Variants in TCERG1 observed in about 807,000 individuals in gnomAD.
TCERG1 encodes transcription elongation regulator 1, also known as TATA box binding protein (TBP)-associated factor, RNA polymerase II, S, 150kD.
In TCERG1, 37 loss-of-function variants were observed where a neutral mutation model predicts 144.7. That is an observed-to-expected ratio of 0.26 (90% CI 0.20 to 0.34). The LOEUF (loss-of-function observed/expected upper bound fraction) is 0.34, where lower values mean the gene tolerates loss of function less well. Ranked by LOEUF, TCERG1 falls within the 10% of genes least tolerant of loss-of-function variation. The pLI is 1.00. For missense variants in TCERG1, 1,027 were observed against 1,380.7 expected (o/e 0.74, Z 4.06); for synonymous variants, 492 against 458.2 (o/e 1.07, Z -0.94).
intron 15 of TCERG1, among the ~76,000 whole-genome samples, chr5:146,486,860 A>G (rs776498079): frequency 1.3e-5 from 2 of 152,138 alleles, no homozygotes; most frequent in Non-Finnish European, 2.9e-5. Context: ...GGATCACATG[A>G]GGTCAGGAGT....
intron 9 of TCERG1, among the ~76,000 whole-genome samples, chr5:146,472,334 C>T (rs2400219): frequency 0.24 from 37,123 of 151,736 alleles, 5,645 homozygotes; most frequent in East Asian, 0.83. Context: ...TAACATGCCT[C>T]TTGGTTTCAT....
In TCERG1 at chr5:146,503,423, C is replaced by A; in HGVS notation, c.2482C>A (p.Gln828Lys). ...ATTATCTAATCATCACTTGGACAGTCAGTCTCGATGGAGCAAAGTAAAAGA... is the reference window on the plus strand; with the variant it reads ...ATTATCTAATCATCACTTGGACAGTAAGTCTCGATGGAGCAAAGTAAAAGA... ...ELLSNHHLDSQSRWSKVKDKV... is the reference protein window; with the variant it reads ...ELLSNHHLDSKSRWSKVKDKV... Residue 828 changes from glutamine to lysine, a missense_variant, in exon 18 of 23, where the codon CAG becomes AAG. Gln to Lys is a moderately conservative substitution (Grantham distance 53). Around this residue, in one of 6 missense-constraint regions of TCERG1, gnomAD observed 482 missense variants for 632.6 expected, o/e 0.76. Coordinates refer to ENST00000679501, the MANE Select transcript of TCERG1 (RefSeq NM_001382548.1). 1 of 1,613,712 alleles carries A rather than the reference C, an allele frequency of 6.2e-7. No homozygotes were observed. The highest frequency in any genetic ancestry group is 1.1e-5 in the South Asian group (1 of 91,036).
Position 146,463,829 on chromosome 5 carries a change from G to C in TCERG1, c.1135+36G>C, listed in dbSNP as rs371186011. On this transcript the variant is annotated intron_variant, in intron 5 of 22. Transcript: ENST00000679501. ...AGATTATAATGGTCTTTCCAGCTATGTTTTCATATTGTCAGTTAGTTTGTT... is the reference window on the plus strand; with the variant it reads ...AGATTATAATGGTCTTTCCAGCTATCTTTTCATATTGTCAGTTAGTTTGTT... The C allele has an allele frequency of 2.5e-6, 4 of 1,612,032 alleles. No homozygotes were observed. In the African/African-American group the frequency reaches 5.3e-5, roughly 22 times the overall value.
At chr5:146,455,317 A>T in intron 2 of TCERG1, 36 bp downstream of exon 2, 2 of 1,607,824 alleles carry the variant, frequency 1.2e-6, no homozygotes, top group Non-Finnish European at 1.7e-6. Context: ...CTTTGTTGGC[A>T]TCATTATCAA....
intron 12 of TCERG1, 69 bp downstream of exon 12, chr5:146,480,163 G>T (rs1282084897): frequency 8.4e-7 from 1 of 1,195,934 alleles, no homozygotes; most frequent in Non-Finnish European, 1.2e-6. Flanking sequence ...AATAATTTGT[G>T]ATTGGAAGGG....
chr5:146,506,402 A>G (rs1767995662), intron 19 of TCERG1, among the ~76,000 whole-genome samples: 1 of 152,156 alleles, frequency 6.6e-6, no homozygotes, highest in African/African-American at 2.4e-5. Flanking sequence ...TCATAATTGT[A>G]TATACTTACG....
At chr5:146,479,454 A>G (rs1765148991) in intron 10 of TCERG1, among the ~76,000 whole-genome samples, 1 of 152,154 alleles carries the variant, frequency 6.6e-6, no homozygotes, top group Non-Finnish European at 1.5e-5. Context: ...CTTGTTTTAT[A>G]GGTATGATAA....
chr5:146,465,885 G>A (rs1042446502), intron 5 of TCERG1, among the ~76,000 whole-genome samples: 13 of 151,918 alleles, frequency 8.6e-5, no homozygotes, highest in South Asian at 2.1e-4. Context: ...AAAATTAGCC[G>A]GGCGTGGTGG....
chr5:146,488,260 A>T (rs79689190), intron 15 of TCERG1, among the ~76,000 whole-genome samples: 2,773 of 152,310 alleles, frequency 0.018, 87 homozygotes, highest in African/African-American at 0.063. Context: ...ATCAAATTAA[A>T]ACAGTTCTCC....
intron 17 of TCERG1, chr5:146,499,740 ATG>A (rs1234553151): frequency 1.3e-5 from 2 of 152,240 alleles, no homozygotes; most frequent in African/African-American, 2.4e-5. Flanking sequence ...TAGAAATTAA[ATG>A]TATTTATATT....
chr5:146,478,027 A>G (rs777792609), intron 9 of TCERG1, among the ~76,000 whole-genome samples: 2 of 152,086 alleles, frequency 1.3e-5, no homozygotes, highest in Admixed American at 6.6e-5. Context: ...TATTTTAGAT[A>G]TAATTAGATC....
At chr5:146,494,764 A>C (rs1001045430) in intron 16 of TCERG1, among the ~76,000 whole-genome samples, 1 of 152,188 alleles carries the variant, frequency 6.6e-6, no homozygotes, top group Non-Finnish European at 1.5e-5. Context: ...CCAACGGGAA[A>C]GAAAGGGGGA....
intron 6 of TCERG1, 73 bp from the exon 7 acceptor site, chr5:146,469,471 G>C (rs1764094645): frequency 1.6e-6 from 2 of 1,219,834 alleles, no homozygotes; most frequent in African/African-American, 1.5e-5. Context: ...GAAAGATTTA[G>C]CTCATATTTT....
intron 7 of TCERG1, 88 bp from the exon 8 acceptor site, chr5:146,470,548 A>G: frequency 9.6e-7 from 1 of 1,045,242 alleles, no homozygotes; most frequent in Non-Finnish European, 1.4e-6. Context: ...ATACTTGGGA[A>G]TGGAATATCT....
intron 15 of TCERG1, among the ~76,000 whole-genome samples, chr5:146,490,564 C>G (rs1388868835): frequency 1.3e-5 from 2 of 152,086 alleles, no homozygotes; most frequent in African/African-American, 4.8e-5. Context: ...ATCTGTTTTT[C>G]TTTCTCTATA....
In TCERG1 at chr5:146,466,038, AG is replaced by A. The variant is rs1203667900; in HGVS notation, c.1135+2246del. Among the ~76,000 whole-genome samples the A allele has an allele frequency of 2.7e-3, 416 of 151,294 alleles. 1 individual carries two copies. Among genetic ancestry groups the A allele is most frequent in the Non-Finnish European group, 4.3e-3 (291 of 67,768 alleles). ...TCTGTCTCAAAAAAAAAAAAAAAAA[AG>A]ATATATTAGCATCAAATATTAGTTT... On this transcript the variant is annotated intron_variant, in intron 5 of 22. Transcript: ENST00000679501.
At position 146,509,234 on chromosome 5, in the gene TCERG1, T is replaced by A. The variant is rs1420620138; in HGVS notation, c.3135T>A (p.Phe1045Leu). ...GGACGCTTTTGAAAGAGACCAAATT[T>A]ATAACATATAGGTGTGTGCAATGAA... ...DFRTLLKETK[F>L]ITYRSKKLIQ... The change falls in exon 22 of 23, where the codon TTT (phenylalanine) becomes TTA (leucine). Residue 1045 changes from phenylalanine (F) to leucine (L), a missense_variant. Phe to Leu is a conservative substitution (Grantham distance 22). Coordinates refer to ENST00000679501, the MANE Select transcript of TCERG1 (RefSeq NM_001382548.1). 3 of 1,605,350 alleles carry A rather than the reference T, an allele frequency of 1.9e-6. No individual in the cohort carries two copies. In the Admixed American group the frequency reaches 5.1e-5, roughly 27 times the overall value.
At chr5:146,509,331 C>A in intron 22 of TCERG1, 86 bp downstream of exon 22, 1 of 857,516 alleles carries the variant, frequency 1.2e-6, no homozygotes, top group Non-Finnish European at 1.8e-6. Context: ...TGCATTCACA[C>A]ACATGTTGAC....
intron 6 of TCERG1, 117 bp downstream of exon 6, chr5:146,468,520 T>A: frequency 1.1e-6 from 1 of 915,126 alleles, no homozygotes; most frequent in Admixed American, 2.9e-5. Flanking sequence ...TATATTTTTC[T>A]TTTTAATGAG....
Sources: allele counts gnomAD v4.1 joint callset (sites outside exome capture counted in the v4.1 genomes callset), GRCh38; gene constraint gnomAD v4.1.1; regional missense constraint gnomAD v4.1.1; transcripts MANE v1.5; gene names NCBI Gene and HGNC (gene_info 2026-07-23, HGNC 2026-07-21).